The following RHBDL2 variants were observed in gnomAD, a reference collection of about 807,000 sequenced individuals.
RHBDL2 encodes rhomboid-related protein 2.
A neutral mutation model predicts 31.7 loss-of-function variants in RHBDL2; 26 were observed. The ratio of observed to expected loss-of-function variants is 0.82; its 90% CI spans 0.60 to 1.14. The LOEUF (loss-of-function observed/expected upper bound fraction) is 1.14, where lower values mean the gene tolerates loss of function less well. Ranked by LOEUF, RHBDL2 falls within the 50% of genes most tolerant of loss-of-function variation. RHBDL2 has a pLI of 0.00. For missense variants in RHBDL2, 336 were observed against 364.4 expected (o/e 0.92, Z 0.63); for synonymous variants, 123 against 127.2 (o/e 0.97, Z 0.22).
At chr1:38,907,361 G>A (rs186051307) in intron 4 of RHBDL2, among the ~76,000 whole-genome samples, 8 of 151,874 alleles carry the variant, frequency 5.3e-5, no homozygotes, top group Admixed American at 3.9e-4. Context: ...CCAACATGGC[G>A]AAACCCCATC....
At chr1:38,920,666 G>A (rs1327976024) in intron 1 of RHBDL2, among the ~76,000 whole-genome samples, 1 of 149,732 alleles carries the variant, frequency 6.7e-6, no homozygotes, top group African/African-American at 2.5e-5. Context: ...GAGAGCAGTG[G>A]TGTGATCTCG....
intron 1 of RHBDL2, among the ~76,000 whole-genome samples, chr1:38,936,234 T>G (rs1261117234): frequency 6.6e-6 from 1 of 152,088 alleles, no homozygotes; most frequent in Non-Finnish European, 1.5e-5. Flanking sequence ...TTATTTTTAT[T>G]TTATGTTTTA....
Position 38,929,462 on chromosome 1 carries a change from A to G in RHBDL2, c.-125-10125T>C, listed in dbSNP as rs932865364. ...ACACCCTTATGACAACTCCTTTTCC[A>G]TGGCAGACACTTTTAGTTGTGAGCT... On this transcript the variant is annotated intron_variant, in intron 1 of 7. Transcript: ENST00000372990. The G allele has an allele frequency of 3.9e-6, 5 of 1,289,358 alleles. No individual in the cohort carries two copies. In the African/African-American group the frequency reaches 4.6e-5, roughly 12 times the overall value. The allele number at this position is 1,289,358 out of a possible 1,614,324, so 79.9% of individuals were successfully genotyped here. A position where few individuals can be genotyped will look rare whatever the true frequency, so the allele number is the denominator to read the frequency against.
At chr1:38,896,948 A>G (rs1395630301) in intron 4 of RHBDL2, among the ~76,000 whole-genome samples, 2 of 152,196 alleles carry the variant, frequency 1.3e-5, no homozygotes, top group Non-Finnish European at 2.9e-5. Flanking sequence ...GAGATGAGCA[A>G]ACAACTATTA....
At chr1:38,915,220 C>T (rs1283746158) in intron 3 of RHBDL2, among the ~76,000 whole-genome samples, 3 of 151,172 alleles carry the variant, frequency 2.0e-5, no homozygotes, top group African/African-American at 7.3e-5. Context: ...GCAACCTCCG[C>T]CTCCCAGGTT....
At chr1:38,912,908 ATATGTGTGTGTGTG>A (rs1447602088) in intron 3 of RHBDL2, among the ~76,000 whole-genome samples, 5 of 35,322 alleles carry the variant, frequency 1.4e-4, no homozygotes, top group African/African-American at 4.7e-4. Flanking sequence ...ATATATATAT[ATATGTGTGTGTGTG>A]TGTGTGTGTG....
At chr1:38,917,159 A>G (rs1643249703) in intron 2 of RHBDL2, among the ~76,000 whole-genome samples, 1 of 151,180 alleles carries the variant, frequency 6.6e-6, no homozygotes, top group African/African-American at 2.4e-5. Flanking sequence ...CTGGGACTAC[A>G]GGTGCCCGCC....
chr1:38,928,852 G>C (rs1453248736), intron 1 of RHBDL2, among the ~76,000 whole-genome samples: 1 of 152,102 alleles, frequency 6.6e-6, no homozygotes, highest in Non-Finnish European at 1.5e-5. Context: ...CTTGAGGCCA[G>C]GAGTTTGAGA....
intron 1 of RHBDL2, among the ~76,000 whole-genome samples, chr1:38,923,115 A>C (rs74711494): frequency 0.023 from 3,479 of 152,188 alleles, 137 homozygotes; most frequent in African/African-American, 0.079. Context: ...AAAAAGGCTG[A>C]GAATATCCCA....
chr1:38,919,653 G>T (rs529245725), intron 1 of RHBDL2, among the ~76,000 whole-genome samples: 12 of 151,264 alleles, frequency 7.9e-5, no homozygotes, highest in Non-Finnish European at 1.8e-4. Flanking sequence ...CTTCTGCCCA[G>T]GCTGGAGTGC....
intron 4 of RHBDL2, among the ~76,000 whole-genome samples, chr1:38,905,838 C>T (rs1327722895): frequency 6.6e-6 from 1 of 151,508 alleles, no homozygotes; most frequent in Non-Finnish European, 1.5e-5. Context: ...GAGGCCAAGG[C>T]AGGCAGATCA....
rs146089204 is a variant in RHBDL2 at position 38,886,246 on chromosome 1, C to T, written c.*258G>A. 0.03 allele frequency: 6,969 copies of T among 230,192 alleles called. 147 individuals carry two copies. Among genetic ancestry groups the T allele is most frequent in the Non-Finnish European group, 0.043 (5,115 of 118,694 alleles). 14.3% of individuals were successfully genotyped at this position (230,192 alleles called of 1,614,324 possible). ...CTGGGATTACAGGCGTGAGCCACTG[C>T]GCCTGGCCCCAATCTCTAGTTTTTA... On this transcript the variant is annotated 3_prime_UTR_variant, in exon 8 of 8. Coordinates refer to ENST00000372990, the MANE Select transcript of RHBDL2 (RefSeq NM_017821.5).
intron 4 of RHBDL2, among the ~76,000 whole-genome samples, chr1:38,910,804 CT>C (rs1239515926): frequency 2.1e-5 from 3 of 142,058 alleles, no homozygotes; most frequent in African/African-American, 8.1e-5. Context: ...CAGAGTCTCG[CT>C]CTGTTGCCCA....
At chr1:38,926,013 A>G (rs1643370750) in intron 1 of RHBDL2, 2 of 1,267,862 alleles carry the variant, frequency 1.6e-6, no homozygotes, top group African/African-American at 3.1e-5. Context: ...CTTTGACAAC[A>G]TGTACGTAGT....
chr1:38,903,830 T>G (rs1227532945), intron 4 of RHBDL2, among the ~76,000 whole-genome samples: 6 of 152,310 alleles, frequency 3.9e-5, no homozygotes, highest in Non-Finnish European at 8.8e-5. Context: ...AAAACTACAG[T>G]AACCAAGATA....
At chr1:38,938,622 TAAAGA>T (rs1643534133) in intron 1 of RHBDL2, among the ~76,000 whole-genome samples, 2 of 151,980 alleles carry the variant, frequency 1.3e-5, no homozygotes, top group Admixed American at 6.6e-5. Context: ...GGGATTAAGT[TAAAGA>T]AAAGAAAAGA....
At chr1:38,888,253 TTGTCC>T (rs1399247286) in intron 6 of RHBDL2, among the ~76,000 whole-genome samples, 1 of 152,148 alleles carries the variant, frequency 6.6e-6, no homozygotes, top group Admixed American at 6.5e-5. Context: ...CAAGCATTCA[TTGTCC>T]TCTATGTGTC....
At chr1:38,926,340 A>G (rs537838955) in intron 1 of RHBDL2, 6 of 306,154 alleles carry the variant, frequency 2.0e-5, no homozygotes, top group Non-Finnish European at 2.9e-5. Flanking sequence ...GTTCAGCAGC[A>G]GCAGCACTGA....
intron 1 of RHBDL2, among the ~76,000 whole-genome samples, chr1:38,933,550 T>C (rs1009227937): frequency 6.6e-6 from 1 of 152,104 alleles, no homozygotes; most frequent in African/African-American, 2.4e-5. Context: ...AAAAGGGAAG[T>C]ATCATGGAAA....
Sources: gnomAD v4.1 joint callset for allele counts (sites outside exome capture counted in the v4.1 genomes callset) on GRCh38, gnomAD v4.1.1 for gene constraint, MANE v1.5 for transcripts, NCBI Gene and HGNC (gene_info 2026-07-23, HGNC 2026-07-21) for gene names.